Variants in METTL24 observed in about 807,000 individuals in gnomAD.
The protein encoded by METTL24 is methyltransferase like 24, also known as probable methyltransferase-like protein 24.
Under a neutral mutation model 32.7 loss-of-function variants are expected in METTL24, and 29 were observed. The ratio of observed to expected loss-of-function variants is 0.89; its 90% confidence interval spans 0.66 to 1.21. METTL24 has a LOEUF of 1.21. METTL24 is among the 50% of genes most tolerant of loss of function. METTL24 has a pLI of 0.00. For synonymous variants in METTL24, 163 were observed against 179.5 expected (o/e 0.91, Z 0.73); for missense variants, 439 against 468.1 (o/e 0.94, Z 0.57).
At chr6:110,322,067 G>T (rs1019200479) in intron 2 of METTL24, among the ~76,000 whole-genome samples, 6 of 152,210 alleles carry the variant, frequency 3.9e-5, no homozygotes, top group African/African-American at 1.4e-4. Context: ...TTCCTTTTCT[G>T]TCTCTCTTTC....
At chr6:110,293,171 GAT>G (rs928332384) in intron 4 of METTL24, among the ~76,000 whole-genome samples, 23 of 152,030 alleles carry the variant, frequency 1.5e-4, no homozygotes, top group African/African-American at 5.3e-4. Context: ...TAAATCAGTA[GAT>G]TAACATAAGA....
chr6:110,348,255 G>C (rs1366952287), intron 1 of METTL24, among the ~76,000 whole-genome samples: 2 of 152,206 alleles, frequency 1.3e-5, no homozygotes, highest in Non-Finnish European at 2.9e-5. Flanking sequence ...CAAGTTCAGA[G>C]AGGATATGCC....
At position 110,288,816 on chromosome 6, in the gene METTL24, A is replaced by G. The variant is rs546172868; in HGVS notation, c.786+10106T>C. Among the ~76,000 whole-genome samples, 9 of 152,284 alleles carry G rather than the reference A, an allele frequency of 5.9e-5. No homozygotes were observed. The South Asian group carries it at 1.9e-3, about 32-fold the overall frequency. On this transcript the variant is annotated intron_variant, in intron 4 of 4. Transcript: ENST00000338882. ...GCTGGGTGTGCATCTCCTACAGGAC[A>G]TAGGAACTCAAGGTGCTCCCCTGAG...
Position 110,300,388 on chromosome 6 carries a change from AG to A in METTL24, c.558-1239del, listed in dbSNP as rs1771497435. On this transcript the variant is annotated intron_variant, in intron 3 of 4. Coordinates refer to ENST00000338882, the MANE Select transcript of METTL24 (RefSeq NM_001123364.3). ...TACCTTATTTTAATTAACTAAAATAAGCCTTCAGTTCAGAGATCATCCACCG... is the reference window on the plus strand; with the variant it reads ...TACCTTATTTTAATTAACTAAAATAACCTTCAGTTCAGAGATCATCCACCG... Among the ~76,000 whole-genome samples the A allele has an allele frequency of 2.0e-5, 3 of 150,366 alleles. No homozygotes were observed. In the South Asian group the frequency reaches 6.3e-4, roughly 31 times the overall value.
chr6:110,350,266 G>A (rs771000144), intron 1 of METTL24, among the ~76,000 whole-genome samples: 1 of 152,170 alleles, frequency 6.6e-6, no homozygotes, highest in Non-Finnish European at 1.5e-5. Context: ...AAGGTCTTCA[G>A]TGCTCATTTT....
rs545035566 is a variant in METTL24, at chr6:110,263,981, T to C, written c.787-17721A>G. On this transcript the variant is annotated intron_variant, in intron 4 of 4. Transcript: ENST00000338882. ...ATACAAAAATTAATTCAAGGTGGAT[T>C]AAAGACTTAAAGGTTAGACCTAAAA... Among the ~76,000 whole-genome samples the C allele has an allele frequency of 2.6e-5, 4 of 152,278 alleles. No individual in the cohort carries two copies. The South Asian group carries it at 8.3e-4, about 32-fold the overall frequency.
chr6:110,336,176 C>T (rs770158948), intron 1 of METTL24, among the ~76,000 whole-genome samples: 3 of 152,126 alleles, frequency 2.0e-5, no homozygotes, highest in East Asian at 1.9e-4. Flanking sequence ...CAATGTGTCA[C>T]GGGAAAGGAT....
chr6:110,351,370 G>A (rs539537166), intron 1 of METTL24, among the ~76,000 whole-genome samples: 2 of 152,078 alleles, frequency 1.3e-5, no homozygotes, highest in African/African-American at 4.8e-5. Flanking sequence ...TGGAAATAAG[G>A]CTATCTATAA....
chr6:110,255,094 C>T (rs1778357479), intron 4 of METTL24, among the ~76,000 whole-genome samples: 1 of 152,042 alleles, frequency 6.6e-6, no homozygotes, highest in Admixed American at 6.6e-5. Flanking sequence ...ATGAGGTTTG[C>T]CCTACAGATT....
At chr6:110,296,797 G>A (rs1294255706) in intron 4 of METTL24, among the ~76,000 whole-genome samples, 8 of 152,174 alleles carry the variant, frequency 5.3e-5, no homozygotes, top group South Asian at 2.1e-4. Context: ...ATTTGTTAGC[G>A]TGTTTTTTAC....
At chr6:110,265,952 G>A (rs889954576) in intron 4 of METTL24, among the ~76,000 whole-genome samples, 6 of 149,700 alleles carry the variant, frequency 4.0e-5, no homozygotes, top group Non-Finnish European at 8.9e-5. Flanking sequence ...CCAGGCTGGA[G>A]TGTGGTGGTA....
At chr6:110,253,860 T>C in intron 4 of METTL24, 3 of 1,410,390 alleles carry the variant, frequency 2.1e-6, no homozygotes, top group South Asian at 1.7e-5. Context: ...CAATAAATTT[T>C]CCTCTAAAAT....
intron 1 of METTL24, among the ~76,000 whole-genome samples, chr6:110,323,280 G>C (rs1403924300): frequency 6.6e-6 from 1 of 152,230 alleles, no homozygotes; most frequent in Non-Finnish European, 1.5e-5. Context: ...TCAAGAATAT[G>C]TGCCTCTCTA....
At chr6:110,291,378 G>A (rs954885441) in intron 4 of METTL24, among the ~76,000 whole-genome samples, 5 of 152,088 alleles carry the variant, frequency 3.3e-5, no homozygotes, top group Non-Finnish European at 7.4e-5. Flanking sequence ...ATGATGATGT[G>A]AGATTCAAGT....
chr6:110,288,788 G>A (rs534158881), intron 4 of METTL24, among the ~76,000 whole-genome samples: 1 of 152,274 alleles, frequency 6.6e-6, no homozygotes, highest in African/African-American at 2.4e-5. Flanking sequence ...AGGTGGCAGT[G>A]GTGCTGGGTG....
chr6:110,250,803 G>A (rs1012162154), intron 4 of METTL24, among the ~76,000 whole-genome samples: 3 of 152,116 alleles, frequency 2.0e-5, no homozygotes, highest in Non-Finnish European at 4.4e-5. Context: ...AACCACCATC[G>A]TGAAACCCCT....
intron 4 of METTL24, among the ~76,000 whole-genome samples, chr6:110,249,756 T>G (rs529441588): frequency 3.9e-5 from 6 of 151,960 alleles, no homozygotes; most frequent in African/African-American, 1.2e-4. Context: ...CCTAATACAG[T>G]TAGGATAAAT....
chr6:110,295,932 T>G lies in METTL24; in HGVS notation c.786+2990A>C, dbSNP rs9400369. Reference sequence around the variant, plus strand: ...GACTAATTCACACCAGGCATTCTGCTGGAGACTTTCACACTATGTTCTCAG... The same window carrying G: ...GACTAATTCACACCAGGCATTCTGCGGGAGACTTTCACACTATGTTCTCAG... On this transcript the variant is annotated intron_variant, in intron 4 of 4. Coordinates refer to ENST00000338882, the MANE Select transcript of METTL24 (RefSeq NM_001123364.3). Among the ~76,000 whole-genome samples the G allele has an allele frequency of 2.4e-4, 37 of 152,338 alleles. No individual in the cohort carries two copies. In the East Asian group the frequency reaches 6.4e-3, roughly 26 times the overall value.
At chr6:110,318,917 T>A (rs534630906) in intron 2 of METTL24, among the ~76,000 whole-genome samples, 2 of 152,360 alleles carry the variant, frequency 1.3e-5, no homozygotes, top group East Asian at 3.9e-4. Flanking sequence ...CCAACTCAAC[T>A]AATTATGTTC....
Sources: gnomAD v4.1 joint callset for allele counts (sites outside exome capture counted in the v4.1 genomes callset) on GRCh38, gnomAD v4.1.1 for gene constraint, MANE v1.5 for transcripts, NCBI Gene and HGNC (gene_info 2026-07-23, HGNC 2026-07-21) for gene names.